Variants in NMBR observed in about 807,000 individuals in gnomAD.
NMBR encodes the protein neuromedin B receptor.
A neutral mutation model predicts 20.5 loss-of-function variants in NMBR; 16 were observed. The ratio of observed to expected loss-of-function variants is 0.78; its 90% CI spans 0.53 to 1.19. The LOEUF (loss-of-function observed/expected upper bound fraction) is 1.19, where lower values mean the gene tolerates loss of function less well. Ranked by LOEUF, NMBR falls within the 50% of genes most tolerant of loss-of-function variation. The probability of loss-of-function intolerance (pLI) is 0.00; values close to 1 mark genes in which losing one functional copy is unlikely to be tolerated. For synonymous variants in NMBR, 212 were observed against 196.6 expected (o/e 1.08, Z -0.65); for missense variants, 582 against 499.1 (o/e 1.17, Z -1.58).
chr6:142,105,766 T>C (rs1345332922), intron 1 of NMBR, among the ~76,000 whole-genome samples: 1 of 152,178 alleles, frequency 6.6e-6, no homozygotes, highest in African/African-American at 2.4e-5. Flanking sequence ...TAGTGAAAAC[T>C]CTAGAAAGCA....
chr6:142,093,624 T>C (rs530617611), intron 1 of NMBR, among the ~76,000 whole-genome samples: 73 of 152,290 alleles, frequency 4.8e-4, no homozygotes, highest in African/African-American at 1.7e-3. Context: ...TGTGTGCATG[T>C]GTTTTTATAG....
intron 1 of NMBR, among the ~76,000 whole-genome samples, chr6:142,094,504 G>A (rs572733975): frequency 1.3e-5 from 2 of 152,198 alleles, no homozygotes; most frequent in Non-Finnish European, 2.9e-5. Flanking sequence ...TGTTCCATTG[G>A]TCTAGATCTC....
At chr6:142,110,566 T>A (rs1037365424) in intron 1 of NMBR, among the ~76,000 whole-genome samples, 2 of 152,214 alleles carry the variant, frequency 1.3e-5, no homozygotes, top group African/African-American at 4.8e-5. Context: ...GATTAGTGGT[T>A]GCCTAGGACT....
At chr6:142,107,130 A>C (rs533999839) in intron 1 of NMBR, among the ~76,000 whole-genome samples, 88 of 152,280 alleles carry the variant, frequency 5.8e-4, no homozygotes, top group African/African-American at 2.0e-3. Flanking sequence ...GCATGGATAG[A>C]TCTGAAAAAG....
chr6:142,076,760 T>C lies in NMBR; in HGVS notation c.772-711A>G, dbSNP rs191550714. 8.5e-5 allele frequency among the ~76,000 whole-genome samples: 13 copies of C among 152,302 alleles called. No individual in the cohort carries two copies. The East Asian group carries it at 2.1e-3, about 25-fold the overall frequency. On this transcript the variant is annotated intron_variant, in intron 3 of 3. Transcript: ENST00000258042. ...TCTAAAAACAATTTCCTAACATCAG[T>C]AGTTCAAGGGGTACCTTACATTTGT...
chr6:142,126,757 ATTTTTTTTTT>A (rs34631481), intron 1 of NMBR, among the ~76,000 whole-genome samples: 2 of 51,364 alleles, frequency 3.9e-5, no homozygotes, highest in Middle Eastern at 0.019. Flanking sequence ...TATTTGAGGG[ATTTTTTTTTT>A]TTTTTTTTTT....
chr6:142,076,818 T>G (rs1562388730), intron 3 of NMBR, among the ~76,000 whole-genome samples: 2 of 152,338 alleles, frequency 1.3e-5, no homozygotes, highest in South Asian at 2.1e-4. Flanking sequence ...TAAACCAACA[T>G]GGACATGGAA....
At chr6:142,095,253 G>T (rs980292207) in intron 1 of NMBR, among the ~76,000 whole-genome samples, 3 of 151,982 alleles carry the variant, frequency 2.0e-5, no homozygotes. Flanking sequence ...GAATGCTTCC[G>T]GTTTTTGCCC....
intron 1 of NMBR, among the ~76,000 whole-genome samples, chr6:142,092,044 T>C (rs1777334966): frequency 6.6e-6 from 1 of 152,116 alleles, no homozygotes; most frequent in African/African-American, 2.4e-5. Flanking sequence ...TTATAGGTTT[T>C]TCTTAAGATC....
chr6:142,120,690 A>G lies in NMBR; in HGVS notation c.-664+26354T>C, dbSNP rs1481750419. On this transcript the variant is annotated intron_variant, in intron 1 of 3. Coordinates refer to ENST00000258042, the MANE Select transcript of NMBR (RefSeq NM_002511.4). Reference sequence around the variant, plus strand: ...TCACAAGTATGTTACCTTGGTTGTCAGCCTAAATTTGCCCTATGCGACAAG... The same window carrying G: ...TCACAAGTATGTTACCTTGGTTGTCGGCCTAAATTTGCCCTATGCGACAAG... 4.6e-5 allele frequency among the ~76,000 whole-genome samples: 7 copies of G among 151,948 alleles called. No individual in the cohort carries two copies. In the East Asian group the frequency reaches 1.4e-3, roughly 29 times the overall value.
intron 1 of NMBR, among the ~76,000 whole-genome samples, chr6:142,116,422 A>G (rs1165027607): frequency 1.3e-5 from 2 of 151,948 alleles, no homozygotes; most frequent in African/African-American, 4.8e-5. Context: ...GCCCTCAAGG[A>G]GCTCTATTTT....
chr6:142,092,509 T>G (rs954215877), intron 1 of NMBR, among the ~76,000 whole-genome samples: 1 of 152,172 alleles, frequency 6.6e-6, no homozygotes, highest in African/African-American at 2.4e-5. Context: ...AAGTGATTCC[T>G]ACTTCAAGTC....
chr6:142,091,606 T>G (rs1222272010), intron 1 of NMBR, among the ~76,000 whole-genome samples: 6 of 152,172 alleles, frequency 3.9e-5, no homozygotes, highest in Non-Finnish European at 8.8e-5. Context: ...TTATCAATAT[T>G]CCTGGATAAA....
At chr6:142,096,403 G>A (rs1210190224) in intron 1 of NMBR, among the ~76,000 whole-genome samples, 4 of 151,994 alleles carry the variant, frequency 2.6e-5, no homozygotes, top group Admixed American at 1.3e-4. Flanking sequence ...CCTTCATTTC[G>A]TTATGTACCC....
At chr6:142,116,800 CTTA>C (rs1233610194) in intron 1 of NMBR, among the ~76,000 whole-genome samples, 1 of 151,894 alleles carries the variant, frequency 6.6e-6, no homozygotes, top group Non-Finnish European at 1.5e-5. Context: ...CATCTTTCAG[CTTA>C]TTATTACTGT....
At chr6:142,141,227 C>G (rs1778356686) in intron 1 of NMBR, among the ~76,000 whole-genome samples, 1 of 151,986 alleles carries the variant, frequency 6.6e-6, no homozygotes, top group African/African-American at 2.4e-5. Context: ...AGTCTCTGGT[C>G]ACAATGGAAT....
Position 142,075,288 on chromosome 6 carries a change from G to A in NMBR, c.*360C>T, listed in dbSNP as rs1053094672. Among the ~76,000 whole-genome samples the A allele has an allele frequency of 1.3e-5, 2 of 151,948 alleles. No individual in the cohort carries two copies. The highest frequency in any genetic ancestry group is 2.9e-5 in the Non-Finnish European group (2 of 67,996). ...AACCTAAGACAAATATGCTAGAACTGGCTTTAGCAACAGCCTAAATACTAA... is the reference window on the plus strand; with the variant it reads ...AACCTAAGACAAATATGCTAGAACTAGCTTTAGCAACAGCCTAAATACTAA... On this transcript the variant is annotated 3_prime_UTR_variant, in exon 4 of 4. Transcript: ENST00000258042.
intron 1 of NMBR, among the ~76,000 whole-genome samples, chr6:142,099,635 G>A (rs555478543): frequency 6.6e-6 from 1 of 152,064 alleles, no homozygotes; most frequent in East Asian, 1.9e-4. Context: ...ATCAACTTGG[G>A]TATATCGATG....
chr6:142,079,086 A>AAGAGAGAAAGAG (rs1554257055), intron 2 of NMBR, among the ~76,000 whole-genome samples, 183 bp from the exon 3 acceptor site: 84 of 112,748 alleles, frequency 7.5e-4, no homozygotes, highest in East Asian at 2.8e-3. Context: ...GAAAGAAAGA[A>AAGAGAGAAAGAG]AGAGAGAAAG....
Sources: allele counts gnomAD v4.1 joint callset (sites outside exome capture counted in the v4.1 genomes callset), GRCh38; gene constraint gnomAD v4.1.1; transcripts MANE v1.5; gene names NCBI Gene and HGNC (gene_info 2026-07-23, HGNC 2026-07-21).